The following STAT2 variants were observed in gnomAD, a reference collection of about 807,000 sequenced individuals.
The protein encoded by STAT2 is signal transducer and activator of transcription 2, also known as interferon alpha induced transcriptional activator.
STAT2 carries 51 observed loss-of-function variants against 122.3 expected under a neutral mutation model. The observed-to-expected ratio is 0.42, with a 90% CI of 0.33 to 0.53. The LOEUF (loss-of-function observed/expected upper bound fraction) is 0.53. Among genes scored for constraint, STAT2 ranks in the 20% least tolerant of loss-of-function variants. The pLI, the probability that STAT2 is intolerant of heterozygous loss-of-function variation, is 0.10. For missense variants in STAT2, 736 were observed against 1,010.3 expected (o/e 0.73, Z 3.68); for synonymous variants, 351 against 394.9 (o/e 0.89, Z 1.32).
At chr12:56,350,717 G>T in intron 11 of STAT2, 112 bp downstream of exon 11, 2 of 1,142,158 alleles carry the variant, frequency 1.8e-6, no homozygotes, top group Non-Finnish European at 2.6e-6. Flanking sequence ...ATTTCTGTGA[G>T]GTAGGATTGG....
intron 8 of STAT2, 148 bp downstream of exon 8, chr12:56,354,318 G>A (rs1162007034): frequency 3.2e-6 from 4 of 1,232,192 alleles, no homozygotes; most frequent in Admixed American, 2.4e-5. Flanking sequence ...AGGATGAGGA[G>A]CAGAATAGAG....
chr12:56,360,012 C>T, intron 1 of STAT2, 46 bp downstream of exon 1: 1 of 982,014 alleles, frequency 1.0e-6, no homozygotes, highest in Non-Finnish European at 1.2e-6. Flanking sequence ...GGAACTCTCA[C>T]TCTCACCCCC....
At chr12:56,348,720 A>C (rs2136051823) in intron 18 of STAT2, 32 bp downstream of exon 18, 2 of 1,614,006 alleles carry the variant, frequency 1.2e-6, no homozygotes, top group East Asian at 2.2e-5. Flanking sequence ...TGTGGGCTAG[A>C]TCCAGCAGCT....
Position 56,343,813 on chromosome 12 carries a change from C to T in STAT2, c.2413+12G>A, listed in dbSNP as rs746966604. 6.2e-7 allele frequency: 1 copy of T among 1,613,262 alleles called. No individual in the cohort carries two copies. The highest frequency in any genetic ancestry group is 2.2e-5 in the East Asian group (1 of 44,868). ...TGTGTGCCATCTTCCATAGCTCCAT[C>T]TCATCACTTACTTTCCATTGGCTCA... On this transcript the variant is annotated intron_variant, in intron 23 of 23. Transcript: ENST00000314128.
At chr12:56,354,385 T>C in intron 8 of STAT2, 81 bp downstream of exon 8, 2 of 1,589,760 alleles carry the variant, frequency 1.3e-6, no homozygotes, top group South Asian at 2.3e-5. Context: ...TAGAGAACAG[T>C]ATCTCTTGCT....
rs1275981326 is a variant in STAT2 at position 56,355,690 on chromosome 12, C to T, written c.381+18G>A. 1.2e-6 allele frequency: 2 copies of T among 1,612,154 alleles called. No homozygotes were observed. The highest frequency in any genetic ancestry group is 2.7e-5 in the African/African-American group (2 of 74,830). On this transcript the variant is annotated intron_variant, in intron 4 of 23. Coordinates refer to ENST00000314128, the MANE Select transcript of STAT2 (RefSeq NM_005419.4). ...TCTACTTCAGGAGTTTCCAACATTACCACTGAATTGTCCTCACCAATTGGG... is the reference window on the plus strand; with the variant it reads ...TCTACTTCAGGAGTTTCCAACATTATCACTGAATTGTCCTCACCAATTGGG...
At chr12:56,356,752 C>T (rs1328858308) in intron 1 of STAT2, among the ~76,000 whole-genome samples, 174 bp from the exon 2 acceptor site, 1 of 152,202 alleles carries the variant, frequency 6.6e-6, no homozygotes, top group Non-Finnish European at 1.5e-5. Flanking sequence ...TCTTTCCCCT[C>T]CTCTCCAGAA....
intron 8 of STAT2, among the ~76,000 whole-genome samples, chr12:56,352,148 C>T (rs867619843): frequency 1.3e-5 from 2 of 152,102 alleles, no homozygotes; most frequent in Admixed American, 6.6e-5. Context: ...ATCCGCCCAC[C>T]TTGGCCTCCC....
intron 3 of STAT2, 53 bp from the exon 4 acceptor site, chr12:56,355,856 T>G (rs1879429258): frequency 1.3e-6 from 2 of 1,554,074 alleles, no homozygotes; most frequent in Admixed American, 3.3e-5. Context: ...CTCAATGACC[T>G]ATTGCCCTAG....
chr12:56,350,201 AG>A lies in STAT2; in HGVS notation c.1116-12del, dbSNP rs1878234128. ...TTGAACTTCCGGAAGCTGTTCCAGG[AG>A]GAAGATACATGGAGACAAGGAATGG... On this transcript the variant is annotated splice_polypyrimidine_tract_variant and intron_variant, in intron 12 of 23. Coordinates refer to ENST00000314128, the MANE Select transcript of STAT2 (RefSeq NM_005419.4). The A allele has an allele frequency of 1.4e-5, 22 of 1,600,472 alleles. No individual in the cohort carries two copies. The highest frequency in any genetic ancestry group is 1.7e-5 in the Non-Finnish European group (20 of 1,173,004).
intron 1 of STAT2, among the ~76,000 whole-genome samples, chr12:56,358,095 T>C (rs550963202): frequency 1.3e-5 from 2 of 152,338 alleles, no homozygotes; most frequent in African/African-American, 4.8e-5. Flanking sequence ...CACAATCTTA[T>C]TTCATCTATC....
intron 13 of STAT2, 64 bp downstream of exon 13, chr12:56,350,033 A>G: frequency 4.2e-6 from 6 of 1,412,390 alleles, no homozygotes; most frequent in Non-Finnish European, 6.0e-6. Context: ...TGGGGGACAG[A>G]GTGAGACTCC....
At chr12:56,345,524 A>AAATATATATATATATATATATATAT (rs1555169410) in intron 22 of STAT2, among the ~76,000 whole-genome samples, 3 of 26,234 alleles carry the variant, frequency 1.1e-4, no homozygotes, top group Non-Finnish European at 1.6e-4. Flanking sequence ...AAAAAAAAAA[A>AAATATATATATATATATATATATAT]ATATATATAT....
chr12:56,347,856 G>C (rs1877746062), intron 19 of STAT2, among the ~76,000 whole-genome samples: 4 of 152,144 alleles, frequency 2.6e-5, no homozygotes, highest in Admixed American at 1.3e-4. Flanking sequence ...CAGTGTGGTG[G>C]AAAGAGCATG....
intron 8 of STAT2, among the ~76,000 whole-genome samples, chr12:56,353,775 C>A (rs1878926585): frequency 6.6e-6 from 1 of 151,098 alleles, no homozygotes; most frequent in Non-Finnish European, 1.5e-5. Flanking sequence ...GGGTGGATCA[C>A]CTGAAGTCAG....
In STAT2 at chr12:56,346,910, C is replaced by T. The variant is rs765994737; in HGVS notation, c.1770G>A (p.Leu590=). 1 of 1,614,192 alleles carries T rather than the reference C, an allele frequency of 6.2e-7. No individual in the cohort carries two copies. The highest frequency in any genetic ancestry group is 2.2e-5 in the East Asian group (1 of 44,878). Residue 590 remains leucine (L), a synonymous_variant, in exon 20 of 24, where the codon CTG becomes CTA. Coordinates refer to ENST00000314128, the MANE Select transcript of STAT2 (RefSeq NM_005419.4). ...FVSRSQERRL[L]KKTMSGTFLL... is the part of the protein sequence containing the mutation. ...GAAAGGTGCCAGACATGGTCTTCTT[C>T]AGCAGCCGGCGCTCCTGGCTCCGAC...
rs537862425 is a variant in STAT2, at chr12:56,350,674, A to G, written c.1094+155T>C. On this transcript the variant is annotated intron_variant, in intron 11 of 23. Coordinates refer to ENST00000314128, the MANE Select transcript of STAT2 (RefSeq NM_005419.4). The stretch of plus-strand genomic sequence containing the variant: ...GAGTAGCTGACATGCTGCATGTCAC[A>G]AAGTAAGTGTTCAACAAAAGAAATG... Among the ~76,000 whole-genome samples, 30 of 152,282 alleles carry G rather than the reference A, an allele frequency of 2.0e-4. No individual in the cohort carries two copies. The East Asian group carries it at 5.6e-3, about 28-fold the overall frequency.
intron 8 of STAT2, among the ~76,000 whole-genome samples, chr12:56,353,759 C>G (rs1318750196): frequency 2.6e-5 from 4 of 150,976 alleles, no homozygotes; most frequent in Non-Finnish European, 5.9e-5. Context: ...TTTGGGAGCC[C>G]AAGTTGGGTG....
intron 1 of STAT2, among the ~76,000 whole-genome samples, chr12:56,357,754 C>T (rs1388277974): frequency 6.6e-6 from 1 of 150,562 alleles, no homozygotes. Context: ...CTTGGTCACC[C>T]AGGCTGGAGT....
Sources: gnomAD v4.1 joint callset for allele counts (sites outside exome capture counted in the v4.1 genomes callset) on GRCh38, gnomAD v4.1.1 for gene constraint, MANE v1.5 for transcripts, NCBI Gene and HGNC (gene_info 2026-07-23, HGNC 2026-07-21) for gene names.